GRIP1: variants seen among roughly 807,000 people sequenced by gnomAD.
The protein encoded by GRIP1 is glutamate receptor-interacting protein 1.
GRIP1 carries 45 observed loss-of-function variants against 129.9 expected under a neutral mutation model. That is an observed-to-expected ratio of 0.35 (90% CI 0.27 to 0.44). The LOEUF is 0.44. Among genes scored for constraint, GRIP1 ranks in the 20% least tolerant of loss-of-function variants. GRIP1 has a pLI of 1.00. For missense variants in GRIP1, 1,196 were observed against 1,396.8 expected (o/e 0.86, Z 2.29); for synonymous variants, 530 against 520.8 (o/e 1.02, Z -0.24).
chr12:66,944,158 G>A (rs2041630247), intron 1 of GRIP1, among the ~76,000 whole-genome samples: 1 of 152,140 alleles, frequency 6.6e-6, no homozygotes, highest in Non-Finnish European at 1.5e-5. Context: ...GCTGTGTTGT[G>A]AAACAGTACT....
At chr12:66,807,000 C>T (rs531329679), upstream of GRIP1, among the ~76,000 whole-genome samples, 4 of 151,938 alleles carry the variant, frequency 2.6e-5, no homozygotes, top group African/African-American at 9.7e-5. Context: ...GATAAGGAAG[C>T]TGTTATTTAG....
intron 1 of GRIP1, among the ~76,000 whole-genome samples, chr12:66,856,471 C>A (rs940922854): frequency 6.6e-6 from 1 of 152,100 alleles, no homozygotes; most frequent in African/African-American, 2.4e-5. Context: ...GCAATCTACT[C>A]ATCTGACAAA....
rs770018222 is a variant in GRIP1 at position 66,813,839 on chromosome 12, T to G, written c.59-216912A>C. Among the ~76,000 whole-genome samples, 13 of 152,150 alleles carry G rather than the reference T, an allele frequency of 8.5e-5. No individual in the cohort carries two copies. The East Asian group carries it at 1.5e-3, about 18-fold the overall frequency. ...CTATTCCACATGCATTAGGAGCACA[T>G]AGAACTCAGTGCACAGTGTTAAATA... On this transcript the variant is annotated intron_variant, in intron 1 of 1. Transcript: ENST00000643019.
intron 1 of GRIP1, among the ~76,000 whole-genome samples, chr12:66,875,153 C>A (rs1244403411): frequency 2.0e-5 from 3 of 151,972 alleles, no homozygotes; most frequent in African/African-American, 7.2e-5. Context: ...TGTTAGGTCA[C>A]CTTGTCTTGT....
At chr12:66,553,832 C>T (rs1196214740) in intron 2 of GRIP1, among the ~76,000 whole-genome samples, 1 of 151,970 alleles carries the variant, frequency 6.6e-6, no homozygotes, top group East Asian at 1.9e-4. Context: ...AAGCAGAAGT[C>T]AGCCAACACC....
chr12:66,417,664 G>C (rs1192552132), intron 15 of GRIP1, among the ~76,000 whole-genome samples: 1 of 151,976 alleles, frequency 6.6e-6, no homozygotes, highest in Non-Finnish European at 1.5e-5. Context: ...ATCTGAAAGA[G>C]AAATTAAAGA....
chr12:66,358,781 C>T (rs2054610539), intron 23 of GRIP1, among the ~76,000 whole-genome samples: 1 of 152,240 alleles, frequency 6.6e-6, no homozygotes, highest in Admixed American at 6.5e-5. Context: ...CCTTCTATCT[C>T]CATGCTGCTT....
chr12:66,372,311 GAA>G (rs2055552569), intron 22 of GRIP1: 1 of 313,722 alleles, frequency 3.2e-6, no homozygotes, highest in African/African-American at 2.2e-5. Flanking sequence ...ATATCTTACA[GAA>G]ACGAATTAAG....
At chr12:66,607,045 G>A (rs1203507410) in intron 1 of GRIP1, among the ~76,000 whole-genome samples, 7 of 152,022 alleles carry the variant, frequency 4.6e-5, no homozygotes, top group Non-Finnish European at 7.4e-5. Context: ...GTGTGCACGC[G>A]CACATGTGTG....
At chr12:67,007,343 G>C (rs891965946) in intron 1 of GRIP1, among the ~76,000 whole-genome samples, 1 of 152,096 alleles carries the variant, frequency 6.6e-6, no homozygotes, top group Non-Finnish European at 1.5e-5. Context: ...CTCTAACTCA[G>C]CATTTATTCA....
chr12:67,067,865 C>A (rs372207238), intron 1 of GRIP1, among the ~76,000 whole-genome samples: 44 of 152,330 alleles, frequency 2.9e-4, no homozygotes, highest in African/African-American at 9.6e-4. Context: ...CCTCCTCTGG[C>A]TTTCCTCGCC....
At chr12:66,983,744 C>T (rs1278384836) in intron 1 of GRIP1, among the ~76,000 whole-genome samples, 1 of 152,152 alleles carries the variant, frequency 6.6e-6, no homozygotes, top group Non-Finnish European at 1.5e-5. Context: ...TACACTTCAT[C>T]AGCCAGTATC....
intron 16 of GRIP1, among the ~76,000 whole-genome samples, chr12:66,401,609 T>TATATATATACACACACACACACAC: frequency 9.1e-6 from 1 of 110,192 alleles, no homozygotes; most frequent in East Asian, 3.0e-4. Context: ...TATATATATA[T>TATATATATACACACACACACACAC]ACACACACAC....
chr12:67,054,999 A>C (rs2043411281), intron 1 of GRIP1, among the ~76,000 whole-genome samples: 1 of 152,194 alleles, frequency 6.6e-6, no homozygotes, highest in Non-Finnish European at 1.5e-5. Flanking sequence ...GGGTTTACCA[A>C]TGTAGAGGTT....
intron 1 of GRIP1, among the ~76,000 whole-genome samples, chr12:67,065,615 A>G (rs1333496313): frequency 6.6e-6 from 1 of 152,224 alleles, no homozygotes; most frequent in African/African-American, 2.4e-5. Context: ...AATGCCAAAA[A>G]GTATGTTTGC....
chr12:66,380,550 C>T (rs1432289391), intron 19 of GRIP1, among the ~76,000 whole-genome samples: 4 of 152,218 alleles, frequency 2.6e-5, no homozygotes, highest in African/African-American at 9.6e-5. Flanking sequence ...AATTATGTTA[C>T]ATAATGGACA....
intron 1 of GRIP1, among the ~76,000 whole-genome samples, chr12:67,052,499 C>A (rs1028217300): frequency 2.6e-5 from 4 of 152,128 alleles, no homozygotes; most frequent in African/African-American, 9.7e-5. Flanking sequence ...GTGACTCATG[C>A]CTGTAATCCC....
intron 16 of GRIP1, among the ~76,000 whole-genome samples, chr12:66,398,424 G>C (rs1485333492): frequency 6.6e-6 from 1 of 151,798 alleles, no homozygotes; most frequent in Non-Finnish European, 1.5e-5. Flanking sequence ...TCCTTAAATA[G>C]CACTTTTCTA....
At chr12:66,399,165 G>A (rs1474554490) in intron 16 of GRIP1, among the ~76,000 whole-genome samples, 1 of 151,914 alleles carries the variant, frequency 6.6e-6, no homozygotes, top group Admixed American at 6.6e-5. Flanking sequence ...TACAACCTCA[G>A]CTGCCATTGT....
Sources: gnomAD v4.1 joint callset for allele counts (sites outside exome capture counted in the v4.1 genomes callset) on GRCh38, gnomAD v4.1.1 for gene constraint, MANE v1.5 for transcripts, NCBI Gene and HGNC (gene_info 2026-07-23, HGNC 2026-07-21) for gene names.